Variants in HSDL1 observed in about 807,000 individuals in gnomAD.
The protein encoded by HSDL1 is hydroxysteroid dehydrogenase like 1, also known as inactive hydroxysteroid dehydrogenase-like protein 1.
HSDL1 carries 29 observed loss-of-function variants against 31.5 expected under a neutral mutation model. The observed-to-expected ratio is 0.92, with a 90% CI of 0.69 to 1.26. HSDL1 has a LOEUF of 1.26. Among genes scored for constraint, HSDL1 ranks in the 50% most tolerant of loss-of-function variants. The probability of loss-of-function intolerance (pLI) is 0.00; values close to 1 mark genes in which losing one functional copy is unlikely to be tolerated. For missense variants in HSDL1, 503 were observed against 416.6 expected (o/e 1.21, Z -1.81); for synonymous variants, 222 against 155.2 (o/e 1.43, Z -3.20).
In HSDL1 at chr16:84,130,410, T is replaced by C. The variant is rs779879068; in HGVS notation, c.242A>G (p.Lys81Arg). 3 of 1,610,406 alleles carry C rather than the reference T, an allele frequency of 1.9e-6. No homozygotes were observed. In the Admixed American group the frequency reaches 5.0e-5, roughly 27 times the overall value. ...VVSGATDGIG[K>R]AYAEELASRG... ...GCTTGCTAACTCTTCAGCGTAGGCTTTTCCAATCCCATCTGTTGCACCTAG... is the reference window on the plus strand; with the variant it reads ...GCTTGCTAACTCTTCAGCGTAGGCTCTTCCAATCCCATCTGTTGCACCTAG... Residue 81 changes from lysine (K) to arginine (R), a missense_variant, in exon 4 of 6, where the codon AAA becomes AGA. By Grantham distance (26) the Lys-to-Arg change is conservative (BLOSUM62 2). Coordinates refer to ENST00000219439, the MANE Select transcript of HSDL1 (RefSeq NM_031463.5).
Position 84,131,103 on chromosome 16 carries a change from G to A in HSDL1, c.219C>T (p.Ser73=), listed in dbSNP as rs188139715. The stretch of plus-strand genomic sequence containing the variant: ...TATTTTGATTATAAAGTAGGTTACC[G>A]CTGACAACGGCCCATCTTCCATACT... The part of the protein sequence containing the change: ...IKQYGRWAVV[S]GATDGIGKAY... The change falls in exon 3 of 6, where the codon AGC becomes AGT. Residue 73 remains serine (S), a splice_region_variant and synonymous_variant. Coordinates refer to ENST00000219439, the MANE Select transcript of HSDL1 (RefSeq NM_031463.5). The A allele has an allele frequency of 9.9e-5, 158 of 1,603,414 alleles. No homozygotes were observed. The East Asian group carries it at 3.1e-3, about 31-fold the overall frequency.
chr16:84,143,647 A>T (rs1158825906), intron 1 of HSDL1, among the ~76,000 whole-genome samples: 1 of 152,150 alleles, frequency 6.6e-6, no homozygotes, highest in Non-Finnish European at 1.5e-5. Flanking sequence ...ACTTTAAAAA[A>T]AAGTAGCACC....
At chr16:84,143,144 T>G (rs2086784208) in intron 1 of HSDL1, among the ~76,000 whole-genome samples, 1 of 152,232 alleles carries the variant, frequency 6.6e-6, no homozygotes, top group Non-Finnish European at 1.5e-5. Context: ...TAAAAACTCC[T>G]GCTTGCATGT....
At chr16:84,130,477 G>A (rs1326116073) in intron 3 of HSDL1, 46 bp from the exon 4 acceptor site, 1 of 1,515,182 alleles carries the variant, frequency 6.6e-7, no homozygotes, top group Non-Finnish European at 9.0e-7. Context: ...TTCACGGTGT[G>A]ACCCTTAAAA....
chr16:84,140,800 C>G (rs1488683556), intron 1 of HSDL1, among the ~76,000 whole-genome samples: 1 of 152,128 alleles, frequency 6.6e-6, no homozygotes, highest in Non-Finnish European at 1.5e-5. Flanking sequence ...AGCATGTATT[C>G]TGAAACAGTA....
chr16:84,131,765 G>T (rs1045506054), intron 2 of HSDL1, among the ~76,000 whole-genome samples: 3 of 147,754 alleles, frequency 2.0e-5, no homozygotes, highest in African/African-American at 5.1e-5. Flanking sequence ...TGCAGGCTCC[G>T]CCCCCTGGGG....
intron 1 of HSDL1, among the ~76,000 whole-genome samples, chr16:84,139,752 G>A (rs1227754568): frequency 6.6e-6 from 1 of 152,174 alleles, no homozygotes; most frequent in African/African-American, 2.4e-5. Flanking sequence ...ACCACTATGT[G>A]TATTCAGGAG....
At position 84,122,515 on chromosome 16, in the gene HSDL1, G is replaced by C. The variant is rs2086564360; in HGVS notation, c.*2115C>G. 6.6e-6 allele frequency: 1 copy of C among 152,084 alleles called. No homozygotes were observed. Among genetic ancestry groups the C allele is most frequent in the Admixed American group, 6.6e-5 (1 of 15,252 alleles). 9.4% of individuals were successfully genotyped at this position (152,084 alleles called of 1,614,324 possible). A position where few individuals can be genotyped will look rare whatever the true frequency, so the allele number is the denominator to read the frequency against. ...TGGGACTACAGGCATGCACCACCCT[G>C]CCTGGCTAATTTTTGTATTTTTTGT... On this transcript the variant is annotated 3_prime_UTR_variant, in exon 6 of 6. Coordinates refer to ENST00000219439, the MANE Select transcript of HSDL1 (RefSeq NM_031463.5).
intron 3 of HSDL1, 86 bp downstream of exon 3, chr16:84,131,016 T>C: frequency 9.1e-7 from 1 of 1,098,930 alleles, no homozygotes; most frequent in East Asian, 2.4e-5. Flanking sequence ...CATGTTCCCA[T>C]AAAAACACCA....
intron 1 of HSDL1, among the ~76,000 whole-genome samples, 154 bp downstream of exon 1, chr16:84,144,926 G>C (rs1018049166): frequency 2.0e-5 from 3 of 152,004 alleles, no homozygotes; most frequent in African/African-American, 4.8e-5. Flanking sequence ...AGGGGCTTCG[G>C]GGCCGGATGC....
intron 1 of HSDL1, among the ~76,000 whole-genome samples, chr16:84,142,952 A>G (rs374489765): frequency 4.6e-5 from 7 of 152,228 alleles, no homozygotes; most frequent in African/African-American, 1.7e-4. Flanking sequence ...TTTTTGGTAT[A>G]GGACTAAACG....
At chr16:84,127,088 A>C (rs1022242879) in intron 5 of HSDL1, among the ~76,000 whole-genome samples, 1 of 152,028 alleles carries the variant, frequency 6.6e-6, no homozygotes, top group African/African-American at 2.4e-5. Context: ...CCTGATCCTC[A>C]TATCTTTATT....
chr16:84,126,967 C>G (rs1049352180), intron 5 of HSDL1, among the ~76,000 whole-genome samples: 2 of 152,170 alleles, frequency 1.3e-5, no homozygotes, highest in African/African-American at 4.8e-5. Flanking sequence ...AACAGAATTT[C>G]TTGGCAGAAA....
chr16:84,126,905 G>GA (rs1457809246), intron 5 of HSDL1, among the ~76,000 whole-genome samples: 1 of 152,142 alleles, frequency 6.6e-6, no homozygotes, highest in Non-Finnish European at 1.5e-5. Flanking sequence ...AATGAAAACA[G>GA]AAAGTTTTAA....
intron 1 of HSDL1, among the ~76,000 whole-genome samples, chr16:84,135,843 C>G (rs1186400633): frequency 6.6e-6 from 1 of 152,252 alleles, no homozygotes; most frequent in Non-Finnish European, 1.5e-5. Context: ...TCAGGCACAG[C>G]TGGAGGGTGC....
chr16:84,133,160 G>A (rs1330128402), intron 2 of HSDL1, among the ~76,000 whole-genome samples: 1 of 151,592 alleles, frequency 6.6e-6, no homozygotes, highest in Non-Finnish European at 1.5e-5. Flanking sequence ...CACTGAAACG[G>A]AACACATACA....
chr16:84,142,689 C>T (rs2086780010), intron 1 of HSDL1, among the ~76,000 whole-genome samples: 1 of 152,044 alleles, frequency 6.6e-6, no homozygotes, highest in South Asian at 2.1e-4. Flanking sequence ...TGTGATCCGC[C>T]CACTTTGGCC....
chr16:84,141,400 C>G (rs1042341344), intron 1 of HSDL1, among the ~76,000 whole-genome samples: 1 of 152,180 alleles, frequency 6.6e-6, no homozygotes, highest in Non-Finnish European at 1.5e-5. Flanking sequence ...AGATACACCA[C>G]GATTCACAGG....
chr16:84,137,560 G>A (rs754697045), intron 1 of HSDL1, among the ~76,000 whole-genome samples: 7 of 152,188 alleles, frequency 4.6e-5, no homozygotes, highest in Non-Finnish European at 1.0e-4. Flanking sequence ...GGATGAAGGA[G>A]GGCCACACGG....
Sources: gnomAD v4.1 joint callset for allele counts (sites outside exome capture counted in the v4.1 genomes callset) on GRCh38, gnomAD v4.1.1 for gene constraint, MANE v1.5 for transcripts, NCBI Gene and HGNC (gene_info 2026-07-23, HGNC 2026-07-21) for gene names.